The following NWD2 variants were observed in gnomAD, a reference collection of about 807,000 sequenced individuals.
NWD2 encodes the protein NACHT and WD repeat domain containing 2, also known as NACHT and WD repeat domain-containing protein 2.
Under a neutral mutation model 132.7 loss-of-function variants are expected in NWD2, and 37 were observed. The observed-to-expected ratio is 0.28, with a 90% CI of 0.21 to 0.37. The LOEUF is 0.37. Ranked by LOEUF, NWD2 falls within the 10% of genes least tolerant of loss-of-function variation. The probability of loss-of-function intolerance (pLI) is 1.00; values close to 1 mark genes in which losing one functional copy is unlikely to be tolerated. For missense variants in NWD2, 1,592 were observed against 2,122.4 expected (o/e 0.75, Z 4.91); for synonymous variants, 705 against 803.0 (o/e 0.88, Z 2.06).
intron 1 of NWD2, among the ~76,000 whole-genome samples, chr4:37,314,219 T>C (rs1718912149): frequency 6.6e-6 from 1 of 152,224 alleles, no homozygotes; most frequent in African/African-American, 2.4e-5. Flanking sequence ...TTTGCATCTA[T>C]ATTCATGATG....
At chr4:37,315,008 T>G (rs1307103427) in intron 1 of NWD2, among the ~76,000 whole-genome samples, 1 of 152,150 alleles carries the variant, frequency 6.6e-6, no homozygotes, top group Admixed American at 6.5e-5. Flanking sequence ...TTTTGATGCA[T>G]GAGTAATAAT....
At chr4:37,424,286 A>G (rs1711927228) in intron 3 of NWD2, among the ~76,000 whole-genome samples, 1 of 152,214 alleles carries the variant, frequency 6.6e-6, no homozygotes, top group African/African-American at 2.4e-5. Flanking sequence ...AGATACTCTC[A>G]GAAGAGGAAG....
intron 3 of NWD2, among the ~76,000 whole-genome samples, chr4:37,362,550 A>G (rs1720001623): frequency 6.6e-6 from 1 of 152,224 alleles, no homozygotes; most frequent in African/African-American, 2.4e-5. Flanking sequence ...GACAAAGTTG[A>G]CACAAATAAG....
chr4:37,283,431 T>C (rs1227455138), intron 1 of NWD2, among the ~76,000 whole-genome samples: 1 of 152,156 alleles, frequency 6.6e-6, no homozygotes, highest in Non-Finnish European at 1.5e-5. Flanking sequence ...TTAATGACAC[T>C]GGGAGATTTT....
At chr4:37,418,758 T>A (rs898038425) in intron 3 of NWD2, among the ~76,000 whole-genome samples, 17 of 152,188 alleles carry the variant, frequency 1.1e-4, no homozygotes, top group African/African-American at 4.1e-4. Flanking sequence ...TCCATAATGG[T>A]TGAATTAATT....
Position 37,447,492 on chromosome 4 carries a change from G to T in NWD2, c.*275G>T. On this transcript the variant is annotated 3_prime_UTR_variant, in exon 7 of 7. Transcript: ENST00000309447. ...TAAAAGTTTTTAAATTAGCTGTGTG[G>T]TGAGGCAGCATAATACATCCCACTG... 1 of 448,220 alleles carries T rather than the reference G, an allele frequency of 2.2e-6. No homozygotes were observed. The highest frequency in any genetic ancestry group is 2.6e-5 in the South Asian group (1 of 37,982). 27.8% of individuals were successfully genotyped at this position (448,220 alleles called of 1,614,324 possible).
chr4:37,445,730 G>A lies in NWD2; in HGVS notation c.3742G>A (p.Ala1248Thr), dbSNP rs1355461770. The A allele has an allele frequency of 2.1e-5, 32 of 1,551,694 alleles. No homozygotes were observed. Among genetic ancestry groups the A allele is most frequent in the Non-Finnish European group, 2.5e-5 (29 of 1,147,022 alleles). ...GTCTAAAAATGGAGATTGTATCATCGCCACCATGGAAAATACCTCAGCTGT... is the reference window on the plus strand; with the variant it reads ...GTCTAAAAATGGAGATTGTATCATCACCACCATGGAAAATACCTCAGCTGT... Reference protein sequence around the residue: ...VLSKNGDCIIATMENTSAVFF... With the variant: ...VLSKNGDCIITTMENTSAVFF... The change falls in exon 7 of 7, where the codon GCC becomes ACC. Residue 1248 changes from alanine (A) to threonine (T), a missense_variant. Ala to Thr is a moderately conservative substitution (Grantham distance 58, BLOSUM62 0). This residue lies in a region of NWD2 where 1,071 missense variants were observed against 1,398.0 expected (regional missense o/e 0.77). Coordinates refer to ENST00000309447, the MANE Select transcript of NWD2 (RefSeq NM_001144990.2). The surrounding 1 kb of genome is among the most constrained non-coding windows in gnomAD (Gnocchi z 4.7).
chr4:37,398,093 G>A (rs1248279317), intron 3 of NWD2, among the ~76,000 whole-genome samples: 3 of 152,138 alleles, frequency 2.0e-5, no homozygotes, highest in Admixed American at 6.5e-5. Flanking sequence ...CTTACCATGG[G>A]CAGGCATTGT....
At chr4:37,395,051 G>A (rs1720760071) in intron 3 of NWD2, among the ~76,000 whole-genome samples, 1 of 151,402 alleles carries the variant, frequency 6.6e-6, no homozygotes, top group Admixed American at 6.6e-5. Flanking sequence ...GACCTCAAGT[G>A]ATCCACCCGC....
At chr4:37,427,764 CCA>C (rs1712048533) in intron 3 of NWD2, among the ~76,000 whole-genome samples, 1 of 152,122 alleles carries the variant, frequency 6.6e-6, no homozygotes, top group East Asian at 1.9e-4. Context: ...ATTCAGTTAC[CCA>C]CAGTCACCTT....
intron 3 of NWD2, among the ~76,000 whole-genome samples, chr4:37,383,184 G>C (rs75877300): frequency 0.015 from 2,310 of 152,224 alleles, 60 homozygotes; most frequent in African/African-American, 0.053. Flanking sequence ...GAGAATTTCT[G>C]ACAATTTAAC....
intron 3 of NWD2, among the ~76,000 whole-genome samples, chr4:37,399,384 AC>A (rs1720861250): frequency 6.6e-6 from 1 of 152,154 alleles, no homozygotes; most frequent in African/African-American, 2.4e-5. Context: ...AATTCCAGAC[AC>A]CTTGGTTAAG....
At chr4:37,303,676 G>A (rs1434075291) in intron 1 of NWD2, among the ~76,000 whole-genome samples, 1 of 151,824 alleles carries the variant, frequency 6.6e-6, no homozygotes, top group Non-Finnish European at 1.5e-5. Context: ...TAAATTCCTA[G>A]GTGTTCTATT....
At chr4:37,293,024 T>G (rs1718397503) in intron 1 of NWD2, among the ~76,000 whole-genome samples, 1 of 152,202 alleles carries the variant, frequency 6.6e-6, no homozygotes, top group African/African-American at 2.4e-5. Context: ...TTAAACTGAT[T>G]AAATCTATTT....
intron 3 of NWD2, among the ~76,000 whole-genome samples, chr4:37,361,073 A>G (rs926354020): frequency 6.6e-6 from 1 of 152,176 alleles, no homozygotes; most frequent in African/African-American, 2.4e-5. Flanking sequence ...CAAACTAGAA[A>G]ATCTAGAGGA....
chr4:37,253,638 G>C (rs189816874), intron 1 of NWD2, among the ~76,000 whole-genome samples: 1 of 151,040 alleles, frequency 6.6e-6, no homozygotes. Flanking sequence ...ATAATAGCAG[G>C]AATGATATAC....
At chr4:37,435,646 C>T (rs1712301920) in intron 5 of NWD2, among the ~76,000 whole-genome samples, 1 of 152,084 alleles carries the variant, frequency 6.6e-6, no homozygotes, top group Non-Finnish European at 1.5e-5. Flanking sequence ...GGAAGTCATC[C>T]TCTTATTTAC....
At chr4:37,256,751 G>C (rs985251864) in intron 1 of NWD2, among the ~76,000 whole-genome samples, 26 of 152,122 alleles carry the variant, frequency 1.7e-4, no homozygotes, top group African/African-American at 6.0e-4. Context: ...GTAGGGAAAA[G>C]AAAGATCCAA....
intron 1 of NWD2, among the ~76,000 whole-genome samples, chr4:37,294,524 G>A (rs2109273722): frequency 6.6e-6 from 1 of 152,282 alleles, no homozygotes; most frequent in Admixed American, 6.5e-5. Context: ...TAATAAGATA[G>A]CAGCAGCAAA....
Sources: allele counts gnomAD v4.1 joint callset (sites outside exome capture counted in the v4.1 genomes callset), GRCh38; gene constraint gnomAD v4.1.1; regional missense constraint gnomAD v4.1.1; non-coding constraint Gnocchi (gnomAD v3.1); transcripts MANE v1.5; gene names NCBI Gene and HGNC (gene_info 2026-07-23, HGNC 2026-07-21).